The following PLXNA4 variants were observed in gnomAD, a reference collection of about 807,000 sequenced individuals.
PLXNA4 encodes plexin A4.
A neutral mutation model predicts 191.8 loss-of-function variants in PLXNA4; 44 were observed. That is an observed-to-expected ratio of 0.23 (90% CI 0.18 to 0.29). The LOEUF (loss-of-function observed/expected upper bound fraction) is 0.29, where lower values mean the gene tolerates loss of function less well. Among genes scored for constraint, PLXNA4 ranks in the 10% least tolerant of loss-of-function variants. The pLI, the probability that PLXNA4 is intolerant of heterozygous loss-of-function variation, is 1.00. For missense variants in PLXNA4, 1,800 were observed against 2,488.8 expected, an observed-to-expected ratio of 0.72 and a Z score of 5.89; for synonymous variants, 1,082 against 1,009.5, an observed-to-expected ratio of 1.07 and a Z score of -1.36.
chr7:132,617,059 G>C (rs1347296620), intron 2 of PLXNA4, among the ~76,000 whole-genome samples: 2 of 152,180 alleles, frequency 1.3e-5, no homozygotes, highest in African/African-American at 4.8e-5. Flanking sequence ...AGGTTGACTT[G>C]AGTGGCTAAA....
intron 4 of PLXNA4, among the ~76,000 whole-genome samples, chr7:132,278,504 C>A (rs778527614): frequency 6.6e-6 from 1 of 152,196 alleles, no homozygotes; most frequent in Non-Finnish European, 1.5e-5. Context: ...CGCCTACCAC[C>A]AGCCCATGCA....
At chr7:132,503,172 C>T (rs1002370118) in intron 2 of PLXNA4, among the ~76,000 whole-genome samples, 29 of 152,168 alleles carry the variant, frequency 1.9e-4, no homozygotes, top group Non-Finnish European at 3.2e-4. Flanking sequence ...AGCCATTGTT[C>T]CCATCACCCA....
rs1796701036 is a variant in PLXNA4, at chr7:132,181,437, C to T, written c.3436G>A (p.Ala1146Thr). The T allele has an allele frequency of 1.2e-6, 2 of 1,614,094 alleles. No homozygotes were observed. Among genetic ancestry groups the T allele is most frequent in the African/African-American group, 1.3e-5 (1 of 74,998 alleles). ...FTYYPNPVFE[A>T]FGPSGILELK... ...TCCAGGATTCCTGAGGGACCAAAGG[C>T]CTCAAACACCGGGTTGGGATAGTAG... is the stretch of plus-strand genomic sequence containing the variant. Residue 1146 changes from alanine to threonine, a missense_variant, in exon 18 of 32, where the codon GCC becomes ACC. By Grantham distance (58) the Ala-to-Thr change is moderately conservative. Transcript: ENST00000321063.
At chr7:132,562,658 CCTT>C (rs1209555607) in intron 1 of PLXNA4, among the ~76,000 whole-genome samples, 2 of 104,356 alleles carry the variant, frequency 1.9e-5, no homozygotes, top group Admixed American at 8.9e-5. Context: ...TCCTCCTCCT[CCTT>C]CTCTTCCTCC....
intron 21 of PLXNA4, among the ~76,000 whole-genome samples, chr7:132,173,226 G>T (rs1489797877): frequency 6.6e-6 from 1 of 152,172 alleles, no homozygotes; most frequent in Non-Finnish European, 1.5e-5. Flanking sequence ...GCAAACGAAG[G>T]TGAGGCTGGA....
rs147755286 is a variant in PLXNA4, at chr7:132,603,522, C to T, written c.-87+42406G>A. 4.5e-4 allele frequency among the ~76,000 whole-genome samples: 69 copies of T among 152,284 alleles called. 1 individual carries two copies. The South Asian group carries it at 5.6e-3, about 12-fold the overall frequency. On this transcript the variant is annotated intron_variant, in intron 2 of 4. Transcript: ENST00000378539. ...AGCTTTGCCTGCAGGAAGAAGTGGA[C>T]GAGCCCAGCCTCTAATATGCACCAG...
intron 3 of PLXNA4, among the ~76,000 whole-genome samples, chr7:132,413,125 T>C (rs1368318702): frequency 6.6e-6 from 1 of 152,186 alleles, no homozygotes; most frequent in East Asian, 1.9e-4. Flanking sequence ...CATTACTAGA[T>C]ACTATTCTTC....
intron 31 of PLXNA4, among the ~76,000 whole-genome samples, chr7:132,130,882 A>G (rs10954362): frequency 0.75 from 113,418 of 152,166 alleles, 42,524 homozygotes; most frequent in East Asian, 0.83. Flanking sequence ...CTCTGCTGAA[A>G]GTGCCTGTGC....
chr7:132,497,410 C>T (rs181855552), intron 2 of PLXNA4, among the ~76,000 whole-genome samples: 7 of 152,276 alleles, frequency 4.6e-5, no homozygotes, highest in Admixed American at 1.3e-4. Context: ...GAGATGACAT[C>T]GTGTTTACTC....
chr7:132,332,586 T>C (rs962727172), intron 3 of PLXNA4, among the ~76,000 whole-genome samples: 2 of 151,988 alleles, frequency 1.3e-5, no homozygotes, highest in East Asian at 1.9e-4. Context: ...TGGTGGCTCA[T>C]GCCTATAATC....
At chr7:132,521,525 G>A (rs1306771842) in intron 1 of PLXNA4, among the ~76,000 whole-genome samples, 1 of 152,142 alleles carries the variant, frequency 6.6e-6, no homozygotes, top group East Asian at 1.9e-4. Context: ...ACACCTGCAA[G>A]TCAAATGGCC....
At chr7:132,541,394 C>T (rs532627277) in intron 1 of PLXNA4, among the ~76,000 whole-genome samples, 1 of 152,336 alleles carries the variant, frequency 6.6e-6, no homozygotes, top group African/African-American at 2.4e-5. Flanking sequence ...CGGTGAAAAC[C>T]GCAATTATTC....
intron 1 of PLXNA4, among the ~76,000 whole-genome samples, chr7:132,534,510 C>A (rs1288836356): frequency 6.6e-6 from 1 of 152,118 alleles, no homozygotes. Context: ...GCCCTGTCCA[C>A]GGGTGCCTGC....
intron 1 of PLXNA4, among the ~76,000 whole-genome samples, chr7:132,519,836 G>A (rs1015003818): frequency 2.0e-5 from 3 of 152,206 alleles, no homozygotes; most frequent in Non-Finnish European, 2.9e-5. Flanking sequence ...AACCAGACAC[G>A]TCCTGCTAAG....
chr7:132,354,284 G>T (rs1016365891), intron 3 of PLXNA4, among the ~76,000 whole-genome samples: 17 of 152,134 alleles, frequency 1.1e-4, no homozygotes, highest in African/African-American at 4.1e-4. Context: ...ATGTATCCCT[G>T]TGAACTCACG....
intron 9 of PLXNA4, among the ~76,000 whole-genome samples, chr7:132,212,800 GC>G (rs1797845801): frequency 1.3e-5 from 2 of 152,224 alleles, no homozygotes; most frequent in African/African-American, 4.8e-5. Context: ...AGTGCCCCAG[GC>G]CCATTAAACT....
At chr7:132,407,049 G>T (rs878914856) in intron 3 of PLXNA4, among the ~76,000 whole-genome samples, 5 of 152,240 alleles carry the variant, frequency 3.3e-5, no homozygotes, top group Admixed American at 3.3e-4. Flanking sequence ...ATGGAGTCTG[G>T]GATAGAAGGG....
At chr7:132,517,025 A>T (rs1798969128) in intron 1 of PLXNA4, among the ~76,000 whole-genome samples, 1 of 152,164 alleles carries the variant, frequency 6.6e-6, no homozygotes, top group Non-Finnish European at 1.5e-5. Context: ...AGGCCCCTCT[A>T]GCTGTCCCAC....
intron 1 of PLXNA4, among the ~76,000 whole-genome samples, chr7:132,535,112 C>T (rs1799779330): frequency 2.0e-5 from 3 of 152,152 alleles, no homozygotes; most frequent in African/African-American, 4.8e-5. Flanking sequence ...TCTTCATCAT[C>T]CATATTACAA....
Sources: gnomAD v4.1 joint callset for allele counts (sites outside exome capture counted in the v4.1 genomes callset) on GRCh38, gnomAD v4.1.1 for gene constraint, MANE v1.5 for transcripts, NCBI Gene and HGNC (gene_info 2026-07-23, HGNC 2026-07-21) for gene names.